TIAM2: variants seen among roughly 807,000 people sequenced by gnomAD.
TIAM2 encodes the protein TIAM Rac1 associated GEF 2, also known as rho guanine nucleotide exchange factor TIAM2.
A neutral mutation model predicts 152.9 loss-of-function variants in TIAM2; 80 were observed. The observed-to-expected ratio is 0.52, with a 90% CI of 0.44 to 0.63. TIAM2 has a LOEUF of 0.63. Among genes scored for constraint, TIAM2 ranks in the 30% least tolerant of loss-of-function variants. TIAM2 has a pLI of 0.00. For missense variants in TIAM2, 1,965 were observed against 2,120.1 expected (o/e 0.93, Z 1.44); for synonymous variants, 804 against 838.0 (o/e 0.96, Z 0.70).
intron 14 of TIAM2, among the ~76,000 whole-genome samples, chr6:155,202,035 TA>T (rs5881125): frequency 0.75 from 114,747 of 152,066 alleles, 43,655 homozygotes; most frequent in African/African-American, 0.81. Flanking sequence ...GTCATAACAA[TA>T]AAAAAAAATG....
chr6:155,233,955 C>G (rs2115280943), intron 15 of TIAM2, among the ~76,000 whole-genome samples: 1 of 149,606 alleles, frequency 6.7e-6, no homozygotes, highest in African/African-American at 2.5e-5. Context: ...AGAGTGAGAC[C>G]CTGTCTCAAA....
chr6:155,054,248 C>T (rs975780791), intron 1 of TIAM2, among the ~76,000 whole-genome samples: 2 of 152,164 alleles, frequency 1.3e-5, no homozygotes, highest in Non-Finnish European at 2.9e-5. Flanking sequence ...CCCTGAGAGG[C>T]ACTCGTACTC....
chr6:155,017,804 T>G (rs1778623012), intron 1 of TIAM2, among the ~76,000 whole-genome samples: 1 of 152,006 alleles, frequency 6.6e-6, no homozygotes, highest in Non-Finnish European at 1.5e-5. Flanking sequence ...CGCCTGACTC[T>G]CCCTTTTGTC....
chr6:155,188,279 A>G (rs555918183), intron 14 of TIAM2, among the ~76,000 whole-genome samples: 1 of 152,264 alleles, frequency 6.6e-6, no homozygotes, highest in African/African-American at 2.4e-5. Context: ...AATCGCTTAC[A>G]CTGGGAAGCA....
At chr6:155,181,152 T>G (rs1465803809) in intron 12 of TIAM2, among the ~76,000 whole-genome samples, 1 of 152,222 alleles carries the variant, frequency 6.6e-6, no homozygotes, top group East Asian at 1.9e-4. Flanking sequence ...CAGGACATTC[T>G]TGCTGTCCTC....
At chr6:155,026,882 G>A (rs1031279101) in intron 1 of TIAM2, among the ~76,000 whole-genome samples, 7 of 152,138 alleles carry the variant, frequency 4.6e-5, no homozygotes, top group Non-Finnish European at 8.8e-5. Flanking sequence ...ACGGTGTAAC[G>A]GAGCAACTGG....
chr6:155,040,693 A>G (rs1052611250), intron 1 of TIAM2, among the ~76,000 whole-genome samples: 9 of 151,884 alleles, frequency 5.9e-5, no homozygotes, highest in African/African-American at 2.2e-4. Context: ...TAATTTTTGT[A>G]TTTTCAGTAG....
rs1777289055 is a variant in TIAM2 at position 155,050,289 on chromosome 6, G to A, written c.-208-40000G>A. On this transcript the variant is annotated intron_variant, in intron 1 of 26. Transcript: ENST00000682666. Reference sequence around the variant, plus strand: ...GATCCACCTGCCTCAGCCTCCCAAAGTGCTGGGATTACAGGTGTGAGCCAC... The same window carrying A: ...GATCCACCTGCCTCAGCCTCCCAAAATGCTGGGATTACAGGTGTGAGCCAC... Among the ~76,000 whole-genome samples the A allele has an allele frequency of 2.0e-5, 3 of 152,076 alleles. No homozygotes were observed. The South Asian group carries it at 6.2e-4, about 32-fold the overall frequency.
chr6:155,215,947 A>G (rs140287081), intron 15 of TIAM2, among the ~76,000 whole-genome samples: 370 of 152,022 alleles, frequency 2.4e-3, no homozygotes, highest in African/African-American at 8.6e-3. Context: ...AGCTGGGACC[A>G]CAGGTGCCTG....
intron 1 of TIAM2, among the ~76,000 whole-genome samples, chr6:155,025,770 T>C: frequency 6.6e-6 from 1 of 150,694 alleles, no homozygotes; most frequent in East Asian, 1.9e-4. Flanking sequence ...TTTAAAAAAA[T>C]AGATTTTTTC....
intron 2 of TIAM2, among the ~76,000 whole-genome samples, chr6:155,091,333 G>T (rs1431510032): frequency 6.6e-6 from 1 of 152,092 alleles, no homozygotes; most frequent in East Asian, 1.9e-4. Flanking sequence ...GCTCCACAAG[G>T]GCAGGAACCT....
At chr6:155,059,490 T>A (rs965729629) in intron 1 of TIAM2, among the ~76,000 whole-genome samples, 3 of 152,010 alleles carry the variant, frequency 2.0e-5, no homozygotes, top group Non-Finnish European at 4.4e-5. Flanking sequence ...CAGCAAATTT[T>A]TTTTTAGCCG....
intron 5 of TIAM2, among the ~76,000 whole-genome samples, chr6:155,143,581 GTAC>G (rs1161269505): frequency 6.6e-6 from 1 of 152,170 alleles, no homozygotes; most frequent in Admixed American, 6.5e-5. Context: ...AACAAACCGG[GTAC>G]TTTCTCATAA....
chr6:155,211,048 T>C (rs1277498908), intron 14 of TIAM2, among the ~76,000 whole-genome samples, 156 bp from the exon 15 acceptor site: 1 of 152,226 alleles, frequency 6.6e-6, no homozygotes, highest in Non-Finnish European at 1.5e-5. Context: ...AGCCCATCTG[T>C]ATGCGTAATT....
chr6:155,068,598 A>G (rs551571130), intron 1 of TIAM2, among the ~76,000 whole-genome samples: 10 of 116,510 alleles, frequency 8.6e-5, no homozygotes, highest in Non-Finnish European at 2.1e-4. Flanking sequence ...GATTACAGGC[A>G]CCCGCCCCCC....
At chr6:155,074,472 T>C (rs1777908743) in intron 1 of TIAM2, among the ~76,000 whole-genome samples, 2 of 152,150 alleles carry the variant, frequency 1.3e-5, no homozygotes, top group African/African-American at 2.4e-5. Flanking sequence ...CTCAGTCTCC[T>C]GAGTGGCTGG....
At chr6:155,047,837 G>A (rs1455667268) in intron 1 of TIAM2, among the ~76,000 whole-genome samples, 1 of 152,114 alleles carries the variant, frequency 6.6e-6, no homozygotes, top group East Asian at 1.9e-4. Context: ...GGAACAAATA[G>A]GAGGACCTTG....
chr6:155,133,680 A>G (rs778394815), intron 4 of TIAM2, among the ~76,000 whole-genome samples: 1 of 151,604 alleles, frequency 6.6e-6, no homozygotes, highest in Non-Finnish European at 1.5e-5. Flanking sequence ...GATTCCACGT[A>G]TAAGTGGAAT....
intron 5 of TIAM2, among the ~76,000 whole-genome samples, chr6:155,139,357 G>A (rs1779636270): frequency 6.6e-6 from 1 of 152,166 alleles, no homozygotes; most frequent in Admixed American, 6.5e-5. Flanking sequence ...GCCGGCGGGT[G>A]TACAAAGCCC....
Sources: gnomAD v4.1 joint callset for allele counts (sites outside exome capture counted in the v4.1 genomes callset) on GRCh38, gnomAD v4.1.1 for gene constraint, MANE v1.5 for transcripts, NCBI Gene and HGNC (gene_info 2026-07-23, HGNC 2026-07-21) for gene names.